The following U2AF2 variants were observed in gnomAD, a reference collection of about 807,000 sequenced individuals.
U2AF2 encodes the protein U2 small nuclear RNA auxiliary factor 2.
In U2AF2, 6 loss-of-function variants were observed where a neutral mutation model predicts 52.6. The observed-to-expected ratio is 0.11, with a 90% CI of 0.06 to 0.23. The LOEUF (loss-of-function observed/expected upper bound fraction) is 0.23. Among genes scored for constraint, U2AF2 ranks in the 10% least tolerant of loss-of-function variants. The probability of loss-of-function intolerance (pLI) is 1.00; values close to 1 mark genes in which losing one functional copy is unlikely to be tolerated. For synonymous variants in U2AF2, 284 were observed against 258.2 expected (o/e 1.10, Z -0.96); for missense variants, 222 against 677.1 (o/e 0.33, Z 7.46).
Position 55,660,238 on chromosome 19 carries a change from G to A in U2AF2, c.230+17G>A. ...TGGACTGATGTGAGCTTCTCTTCCT[G>A]CCCCTTCCTCCCTGATGTCCACTCC... is the stretch of plus-strand genomic sequence containing the variant. On this transcript the variant is annotated intron_variant, in intron 3 of 11. Coordinates refer to ENST00000308924, the MANE Select transcript of U2AF2 (RefSeq NM_007279.3). The A allele has an allele frequency of 6.2e-7, 1 of 1,608,350 alleles. No individual in the cohort carries two copies. Among genetic ancestry groups the A allele is most frequent in the Non-Finnish European group, 8.5e-7 (1 of 1,178,062 alleles).
chr19:55,665,596 G>A (rs569246832), intron 7 of U2AF2, among the ~76,000 whole-genome samples: 1 of 152,358 alleles, frequency 6.6e-6, no homozygotes, highest in South Asian at 2.1e-4. Flanking sequence ...ACGACACAGG[G>A]ATTGGCAGGT....
At position 55,674,187 on chromosome 19, in the gene U2AF2, C is replaced by G; in HGVS notation, c.*119C>G. On this transcript the variant is annotated 3_prime_UTR_variant, in exon 12 of 12. Transcript: ENST00000308924. The stretch of plus-strand genomic sequence containing the variant: ...AGTGACAGCCGCAGACACACGACAG[C>G]CGGCAGCAACTGGAATGGCAGCAAT... The G allele has an allele frequency of 1.2e-6, 1 of 811,158 alleles. No homozygotes were observed. Among genetic ancestry groups the G allele is most frequent in the Non-Finnish European group, 1.6e-6 (1 of 609,574 alleles). The allele number at this position is 811,158 out of a possible 1,614,324, so 50.2% of individuals were successfully genotyped here.
At chr19:55,663,519 G>C in intron 6 of U2AF2, 87 bp from the exon 7 acceptor site, 1 of 1,532,340 alleles carries the variant, frequency 6.5e-7, no homozygotes, top group Non-Finnish European at 8.8e-7. Flanking sequence ...ATGAGTGAAA[G>C]GAAAGAGGAA....
chr19:55,659,405 G>A (rs537728), intron 2 of U2AF2, 60 bp downstream of exon 2: 1,367,004 of 1,410,470 alleles, frequency 0.97, 662,938 homozygotes, highest in East Asian at 1. Context: ...GTGTTGGCCG[G>A]CCTGTGGGTG....
At chr19:55,659,451 G>A in intron 2 of U2AF2, 106 bp downstream of exon 2, 1 of 1,311,572 alleles carries the variant, frequency 7.6e-7, no homozygotes, top group Non-Finnish European at 9.8e-7. Flanking sequence ...CGGGCCCTGT[G>A]TGGCTCGTTC....
intron 7 of U2AF2, among the ~76,000 whole-genome samples, chr19:55,667,545 A>G (rs1984620826): frequency 6.6e-6 from 1 of 152,186 alleles, no homozygotes; most frequent in East Asian, 1.9e-4. Flanking sequence ...ATCGAGGGCC[A>G]GTAAATTCAG....
chr19:55,662,670 C>G, intron 6 of U2AF2, 52 bp downstream of exon 6: 1 of 1,511,738 alleles, frequency 6.6e-7, no homozygotes, highest in Non-Finnish European at 9.2e-7. Context: ...TGTGAGGGCC[C>G]AGCCCTTAGG....
At chr19:55,656,408 TCAAGAG>T (rs1983798686) in intron 1 of U2AF2, among the ~76,000 whole-genome samples, 1 of 152,256 alleles carries the variant, frequency 6.6e-6, no homozygotes, top group Non-Finnish European at 1.5e-5. Context: ...GATGGACTGC[TCAAGAG>T]CATAGGCTTT....
chr19:55,671,960 A>C (rs1041710891), intron 11 of U2AF2: 1 of 152,140 alleles, frequency 6.6e-6, no homozygotes, highest in African/African-American at 2.4e-5. Flanking sequence ...CCCCATCTCT[A>C]CTAAAAAATA....
chr19:55,668,462 A>T lies in U2AF2; in HGVS notation c.743-45A>T. 1 of 1,524,968 alleles carries T rather than the reference A, an allele frequency of 6.6e-7. No individual in the cohort carries two copies. Among genetic ancestry groups the T allele is most frequent in the Non-Finnish European group, 8.9e-7 (1 of 1,128,320 alleles). The allele number at this position is 1,524,968 out of a possible 1,614,324, so 94.5% of individuals were successfully genotyped here. A position where few individuals can be genotyped will look rare whatever the true frequency, so the allele number is the denominator to read the frequency against. ...CCGTAGACTGTCCAGGTTTTGGGAG[A>T]TAACCTGGTACTGGAATTGAAGTCC... On this transcript the variant is annotated intron_variant, in intron 7 of 11. Coordinates refer to ENST00000308924, the MANE Select transcript of U2AF2 (RefSeq NM_007279.3). This position sits in a 1 kb window ranked among gnomAD's most constrained non-coding sequence, Gnocchi z 5.5.
rs1376671535 is a variant in U2AF2 at position 55,668,514 on chromosome 19, G to A, written c.750G>A (p.Val250=). 6.2e-7 allele frequency: 1 copy of A among 1,600,130 alleles called. No homozygotes were observed. Among genetic ancestry groups the A allele is most frequent in the Non-Finnish European group, 8.5e-7 (1 of 1,172,346 alleles). The change falls in exon 8 of 12, where the codon GTG becomes GTA. Residue 250 remains valine (V), a synonymous_variant. Transcript: ENST00000308924. The surrounding 1 kb of genome is among the most constrained non-coding windows in gnomAD (Gnocchi z 5.5). ...ENPSVYVPGV[V]STVVPDSAHK... ...CCTCTTCTCTACCCATAGGGGTTGT[G>A]TCCACTGTGGTCCCCGACTCTGCCC...
intron 5 of U2AF2, chr19:55,662,209 TCTC>T (rs1326151392): frequency 3.1e-6 from 1 of 317,520 alleles, no homozygotes; most frequent in Non-Finnish European, 5.9e-6. Flanking sequence ...TGAACAATCT[TCTC>T]CTTTCCCCTG....
chr19:55,658,322 C>T (rs1600069568), intron 1 of U2AF2, among the ~76,000 whole-genome samples: 1 of 115,348 alleles, frequency 8.7e-6, no homozygotes. Context: ...CATGGTTTAT[C>T]CTCCATCTTG....
Position 55,659,568 on chromosome 19 carries a change from T to C in U2AF2, c.185+223T>C, listed in dbSNP as rs563381275. 2.0e-5 allele frequency among the ~76,000 whole-genome samples: 3 copies of C among 151,514 alleles called. No homozygotes were observed. In the South Asian group the frequency reaches 6.3e-4, roughly 32 times the overall value. On this transcript the variant is annotated intron_variant, in intron 2 of 11. Coordinates refer to ENST00000308924, the MANE Select transcript of U2AF2 (RefSeq NM_007279.3). ...TTTCATTTTCTGTCTTGGTGGTTGCTGGTGGGTTGCTGGGGGCAATAGGCT... is the reference window on the plus strand; with the variant it reads ...TTTCATTTTCTGTCTTGGTGGTTGCCGGTGGGTTGCTGGGGGCAATAGGCT...
intron 1 of U2AF2, among the ~76,000 whole-genome samples, chr19:55,655,975 A>G (rs981330763): frequency 2.6e-5 from 4 of 152,158 alleles, no homozygotes; most frequent in African/African-American, 7.2e-5. Flanking sequence ...AGATCTCAAT[A>G]TAGAGATAAG....
chr19:55,663,211 C>T (rs1248256387), intron 6 of U2AF2, among the ~76,000 whole-genome samples: 3 of 152,198 alleles, frequency 2.0e-5, no homozygotes, highest in Non-Finnish European at 4.4e-5. Context: ...TCTGTCTTTG[C>T]CTCACTGCAG....
intron 7 of U2AF2, among the ~76,000 whole-genome samples, chr19:55,667,834 G>A (rs1435651907): frequency 6.6e-6 from 1 of 151,270 alleles, no homozygotes; most frequent in Non-Finnish European, 1.5e-5. Context: ...TGCTCAGGCT[G>A]GAGTGCAGTG....
intron 1 of U2AF2, 49 bp from the exon 2 acceptor site, chr19:55,659,161 C>A: frequency 1.3e-5 from 19 of 1,475,656 alleles, no homozygotes; most frequent in Non-Finnish European, 1.7e-5. Flanking sequence ...GGGCTGGGCC[C>A]GCATCCTTAC....
chr19:55,664,771 G>A (rs1448721284), intron 7 of U2AF2, among the ~76,000 whole-genome samples: 1 of 152,160 alleles, frequency 6.6e-6, no homozygotes, highest in East Asian at 1.9e-4. Context: ...AGGCTGGAAT[G>A]CAGTGGCACG....
Sources: gnomAD v4.1 joint callset for allele counts (sites outside exome capture counted in the v4.1 genomes callset) on GRCh38, gnomAD v4.1.1 for gene constraint, Gnocchi (gnomAD v3.1) non-coding constraint, MANE v1.5 for transcripts, NCBI Gene and HGNC (gene_info 2026-07-23, HGNC 2026-07-21) for gene names.